PEMT: variants seen among roughly 807,000 people sequenced by gnomAD.
PEMT encodes phosphatidylethanolamine N-methyltransferase.
PEMT carries 23 observed loss-of-function variants against 27.4 expected under a neutral mutation model. That is an observed-to-expected ratio of 0.84 (90% CI 0.60 to 1.19). The LOEUF (loss-of-function observed/expected upper bound fraction) is 1.19, where lower values mean the gene tolerates loss of function less well. Among genes scored for constraint, PEMT ranks in the 50% most tolerant of loss-of-function variants. PEMT has a pLI of 0.00. For missense variants in PEMT, 307 were observed against 310.1 expected (o/e 0.99, Z 0.07); for synonymous variants, 137 against 139.1 (o/e 0.98, Z 0.11).
At chr17:17,537,064 G>C (rs989363991) in intron 2 of PEMT, among the ~76,000 whole-genome samples, 68 of 152,220 alleles carry the variant, frequency 4.5e-4, no homozygotes, top group African/African-American at 1.6e-3. Flanking sequence ...TCCACTGACG[G>C]GTCCCACTGG....
intron 2 of PEMT, among the ~76,000 whole-genome samples, chr17:17,530,265 G>A (rs1907994147): frequency 1.3e-5 from 2 of 152,216 alleles, no homozygotes; most frequent in South Asian, 4.1e-4. Context: ...GGTGGCCGAG[G>A]CGGGCGGATC....
intron 2 of PEMT, among the ~76,000 whole-genome samples, chr17:17,536,866 T>C (rs1281570744): frequency 2.0e-5 from 3 of 152,126 alleles, no homozygotes; most frequent in Admixed American, 2.0e-4. Flanking sequence ...GCGGCTCTGG[T>C]TCATGGTGCT....
intron 2 of PEMT, among the ~76,000 whole-genome samples, chr17:17,562,827 G>A (rs1910583193): frequency 6.6e-6 from 1 of 151,992 alleles, no homozygotes; most frequent in Admixed American, 6.6e-5. Flanking sequence ...AAAAGAGAGA[G>A]AAATGCCCCC....
At chr17:17,531,037 C>A (rs1414812329) in intron 2 of PEMT, among the ~76,000 whole-genome samples, 1 of 143,436 alleles carries the variant, frequency 7.0e-6, no homozygotes, top group Non-Finnish European at 1.5e-5. Context: ...AGTGAGACTC[C>A]GTCTCAAAAA....
intron 2 of PEMT, among the ~76,000 whole-genome samples, chr17:17,567,861 G>A (rs4646356): frequency 0.44 from 66,510 of 152,166 alleles, 15,306 homozygotes; most frequent in Non-Finnish European, 0.52. Context: ...CAGCTTTCCC[G>A]CAAGTGCAAG....
At chr17:17,571,654 T>A (rs947198343) in intron 2 of PEMT, among the ~76,000 whole-genome samples, 3 of 151,582 alleles carry the variant, frequency 2.0e-5, no homozygotes, top group Non-Finnish European at 4.4e-5. Flanking sequence ...AAGGCCCCTC[T>A]CCAGTGCCCC....
At chr17:17,530,021 C>T (rs547994243) in intron 2 of PEMT, among the ~76,000 whole-genome samples, 2 of 152,244 alleles carry the variant, frequency 1.3e-5, no homozygotes, top group South Asian at 4.1e-4. Flanking sequence ...TGTATAAGGA[C>T]ATGAAGAGGG....
At chr17:17,575,924 A>T (rs947220458) in intron 2 of PEMT, among the ~76,000 whole-genome samples, 1 of 152,188 alleles carries the variant, frequency 6.6e-6, no homozygotes, top group Non-Finnish European at 1.5e-5. Context: ...TAAATGAAAA[A>T]CATGTCCTGT....
intron 1 of PEMT, among the ~76,000 whole-genome samples, chr17:17,585,974 T>C (rs1411507908): frequency 1.3e-5 from 2 of 150,284 alleles, no homozygotes; most frequent in Admixed American, 6.7e-5. Context: ...TCCCAGCTAC[T>C]CGGGAGGCTG....
intron 1 of PEMT, among the ~76,000 whole-genome samples, chr17:17,588,152 G>A (rs543785353): frequency 6.6e-6 from 1 of 152,264 alleles, no homozygotes; most frequent in African/African-American, 2.4e-5. Context: ...GAGCAGCCAC[G>A]GAAAGCCTCA....
At chr17:17,567,619 GAGCT>G (rs1170872873) in intron 2 of PEMT, among the ~76,000 whole-genome samples, 7 of 152,270 alleles carry the variant, frequency 4.6e-5, no homozygotes, top group Non-Finnish European at 7.3e-5. Context: ...CCCAGCCATG[GAGCT>G]GAAGCTAGAC....
chr17:17,526,512 A>G (rs1310604932), intron 2 of PEMT, among the ~76,000 whole-genome samples: 1 of 152,242 alleles, frequency 6.6e-6, no homozygotes, highest in Non-Finnish European at 1.5e-5. Context: ...TAGCCCTGGC[A>G]TGTGGCCCAG....
chr17:17,559,008 G>C (rs1910272665), intron 2 of PEMT, among the ~76,000 whole-genome samples: 1 of 152,188 alleles, frequency 6.6e-6, no homozygotes, highest in Admixed American at 6.5e-5. Context: ...CTGCATCCCT[G>C]CCATGGTTGC....
intron 1 of PEMT, among the ~76,000 whole-genome samples, chr17:17,586,277 AAAGAAAGAAAG>A (rs1248921137): frequency 0.012 from 1,389 of 111,266 alleles, 58 homozygotes; most frequent in Non-Finnish European, 0.017. Flanking sequence ...AGAAAGAAAG[AAAGAAAGAAAG>A]AAAAAAAAAA....
Position 17,562,767 on chromosome 17 carries a change from C to T in PEMT, c.204+14153G>A, listed in dbSNP as rs1174546431. On this transcript the variant is annotated intron_variant, in intron 2 of 6. Transcript: ENST00000255389. ...GAGCTTGCAGTGAGTGGAGATCGCA[C>T]CACTGCACTCCAGCCTGGGTGACAG... is the stretch of plus-strand genomic sequence containing the variant. Among the ~76,000 whole-genome samples, 4 of 152,126 alleles carry T rather than the reference C, an allele frequency of 2.6e-5. No individual in the cohort carries two copies. The East Asian group carries it at 7.8e-4, about 29-fold the overall frequency.
chr17:17,517,595 C>T (rs916807516), intron 3 of PEMT, among the ~76,000 whole-genome samples: 1 of 152,258 alleles, frequency 6.6e-6, no homozygotes, highest in Admixed American at 6.5e-5. Flanking sequence ...CCTGTGCCAG[C>T]CTCCTCCAGG....
chr17:17,534,895 C>CTATTT (rs71860290), intron 2 of PEMT, among the ~76,000 whole-genome samples: 1,915 of 148,622 alleles, frequency 0.013, 30 homozygotes, highest in South Asian at 0.027. Context: ...CTCTATAAGG[C>CTATTT]TATTTTATTT....
At chr17:17,557,400 G>A (rs531158812) in intron 2 of PEMT, among the ~76,000 whole-genome samples, 74 of 152,332 alleles carry the variant, frequency 4.9e-4, no homozygotes, top group African/African-American at 1.7e-3. Flanking sequence ...TAAACAGACA[G>A]GAAACACAAA....
Position 17,591,701 on chromosome 17 carries a change from G to T in PEMT, c.-75C>A. 1.3e-6 allele frequency: 2 copies of T among 1,519,516 alleles called. No individual in the cohort carries two copies. Among genetic ancestry groups the T allele is most frequent in the Non-Finnish European group, 1.8e-6 (2 of 1,130,360 alleles). 94.1% of individuals were successfully genotyped at this position (1,519,516 alleles called of 1,614,324 possible). ...CCCCCGGAACCGGACCTATAGAGCC[G>T]GGTAAGTGCCGCCAGTCGGGGCGCT... is the stretch of plus-strand genomic sequence containing the variant. On this transcript the variant is annotated 5_prime_UTR_variant, in exon 1 of 7. Coordinates refer to ENST00000255389, the MANE Select transcript of PEMT (RefSeq NM_148172.3).
Sources: gnomAD v4.1 joint callset for allele counts (sites outside exome capture counted in the v4.1 genomes callset) on GRCh38, gnomAD v4.1.1 for gene constraint, MANE v1.5 for transcripts, NCBI Gene and HGNC (gene_info 2026-07-23, HGNC 2026-07-21) for gene names.